BCKDHA: variants seen among roughly 807,000 people sequenced by gnomAD.
The protein encoded by BCKDHA is 2-oxoisovalerate dehydrogenase subunit alpha, mitochondrial.
A neutral mutation model predicts 52.2 loss-of-function variants in BCKDHA; 43 were observed. The observed-to-expected ratio is 0.82, with a 90% CI of 0.64 to 1.06. The LOEUF (loss-of-function observed/expected upper bound fraction) is 1.06. BCKDHA is among the 50% of genes least tolerant of loss of function. The pLI is 0.00. For synonymous variants in BCKDHA, 234 were observed against 247.9 expected (o/e 0.94, Z 0.53); for missense variants, 527 against 621.3 (o/e 0.85, Z 1.61).
At chr19:41,422,844 T>C in intron 7 of BCKDHA, 74 bp downstream of exon 7, 2 of 1,606,584 alleles carry the variant, frequency 1.2e-6, no homozygotes, top group Non-Finnish European at 1.7e-6. Context: ...TATCGATCAC[T>C]GTCTCCAAAA....
At chr19:41,404,268 C>T (rs1222966566) in intron 1 of BCKDHA, among the ~76,000 whole-genome samples, 1 of 151,926 alleles carries the variant, frequency 6.6e-6, no homozygotes, top group Non-Finnish European at 1.5e-5. Flanking sequence ...GCATAAGCCA[C>T]TGTGCCCGGC....
At chr19:41,402,161 C>T (rs1467870481) in intron 1 of BCKDHA, among the ~76,000 whole-genome samples, 1 of 152,092 alleles carries the variant, frequency 6.6e-6, no homozygotes, top group African/African-American at 2.4e-5. Context: ...GAGAACAGCA[C>T]GTGAAAGATC....
At chr19:41,399,782 T>G (rs1246820106) in intron 1 of BCKDHA, 1 of 151,076 alleles carries the variant, frequency 6.6e-6, no homozygotes, top group Non-Finnish European at 1.5e-5. Flanking sequence ...CTCTCTTTCC[T>G]TTTTCTTTTT....
Position 41,412,380 on chromosome 19 carries a change from C to CTTTTTTTTTTTTTTTTTTTTTTTTT in BCKDHA, c.375+1389_375+1390insTTTTTTTTTTTTTTTTTTTTTTTTT, listed in dbSNP as rs530972813. ...TCATTCCCTCTGTCTGTAGATATTT[C>CTTTTTTTTTTTTTTTTTTTTTTTTT]TTTTTTTTTTTTTTTTTTACTTTTG... On this transcript the variant is annotated intron_variant, in intron 3 of 8. Coordinates refer to ENST00000269980, the MANE Select transcript of BCKDHA (RefSeq NM_000709.4). Among the ~76,000 whole-genome samples, 44 of 65,860 alleles carry CTTTTTTTTTTTTTTTTTTTTTTTTT rather than the reference C, an allele frequency of 6.7e-4. 9 individuals carry two copies. Among genetic ancestry groups the CTTTTTTTTTTTTTTTTTTTTTTTTT allele is most frequent in the Non-Finnish European group, 8.3e-4 (27 of 32,584 alleles). The allele number at this position is 65,860 out of a possible 152,430, so 43.2% of individuals were successfully genotyped here.
intron 8 of BCKDHA, 135 bp downstream of exon 8, chr19:41,423,304 G>T: frequency 7.3e-7 from 1 of 1,369,024 alleles, no homozygotes. Context: ...TGTGGAGCCA[G>T]GCTGCTGGGG....
intron 1 of BCKDHA, among the ~76,000 whole-genome samples, chr19:41,404,611 T>C (rs1376398162): frequency 6.6e-6 from 1 of 151,454 alleles, no homozygotes; most frequent in Non-Finnish European, 1.5e-5. Flanking sequence ...TTAATTTATT[T>C]GAGATGGAGT....
chr19:41,406,180 C>T (rs2039190800), intron 1 of BCKDHA, among the ~76,000 whole-genome samples: 1 of 152,136 alleles, frequency 6.6e-6, no homozygotes, highest in Non-Finnish European at 1.5e-5. Context: ...ACAGCCGAGA[C>T]CCAGCTGCAG....
chr19:41,410,615 T>C, intron 1 of BCKDHA, 22 bp from the exon 2 acceptor site: 1 of 1,613,812 alleles, frequency 6.2e-7, no homozygotes, highest in East Asian at 2.2e-5. Flanking sequence ...ATGCAGGTGG[T>C]CTCCTCTGCT....
intron 4 of BCKDHA, among the ~76,000 whole-genome samples, chr19:41,416,125 G>T (rs1218737904): frequency 6.6e-6 from 1 of 152,034 alleles, no homozygotes; most frequent in Non-Finnish European, 1.5e-5. Flanking sequence ...TGTATTTTTA[G>T]TAGAGATGGG....
intron 4 of BCKDHA, among the ~76,000 whole-genome samples, chr19:41,417,877 A>G (rs2122130846): frequency 6.6e-6 from 1 of 151,784 alleles, no homozygotes; most frequent in South Asian, 2.1e-4. Flanking sequence ...GTGAGCCAAG[A>G]TTGCGCCATT....
intron 3 of BCKDHA, among the ~76,000 whole-genome samples, chr19:41,412,287 T>C (rs2039262221): frequency 6.6e-6 from 1 of 150,824 alleles, no homozygotes; most frequent in Non-Finnish European, 1.5e-5. Context: ...ATCCACCTGC[T>C]TGCCCACACC....
intron 3 of BCKDHA, among the ~76,000 whole-genome samples, chr19:41,412,044 T>G (rs373333191): frequency 2.6e-5 from 4 of 152,136 alleles, no homozygotes; most frequent in African/African-American, 9.7e-5. Flanking sequence ...TCCCTCAGGG[T>G]GCTGGCCAGG....
intron 4 of BCKDHA, among the ~76,000 whole-genome samples, chr19:41,417,131 C>T (rs2039314578): frequency 6.6e-6 from 1 of 152,088 alleles, no homozygotes; most frequent in Non-Finnish European, 1.5e-5. Context: ...CCCACCTCAG[C>T]CCCCTGAATA....
In BCKDHA at chr19:41,412,380, C is replaced by CTTTTTTTTTTTTTTTTTTTTTTTT. The variant is rs530972813; in HGVS notation, c.375+1389_375+1390insTTTTTTTTTTTTTTTTTTTTTTTT. On this transcript the variant is annotated intron_variant, in intron 3 of 8. Transcript: ENST00000269980. ...TCATTCCCTCTGTCTGTAGATATTT[C>CTTTTTTTTTTTTTTTTTTTTTTTT]TTTTTTTTTTTTTTTTTTACTTTTG... 4.3e-4 allele frequency among the ~76,000 whole-genome samples: 28 copies of CTTTTTTTTTTTTTTTTTTTTTTTT among 65,866 alleles called. 4 individuals are homozygous for CTTTTTTTTTTTTTTTTTTTTTTTT. Among genetic ancestry groups the CTTTTTTTTTTTTTTTTTTTTTTTT allele is most frequent in the South Asian group, 1.2e-3 (2 of 1,714 alleles). The allele number at this position is 65,866 out of a possible 152,430, so 43.2% of individuals were successfully genotyped here. A position where few individuals can be genotyped will look rare whatever the true frequency, so the allele number is the denominator to read the frequency against.
intron 1 of BCKDHA, chr19:41,400,470 T>C (rs12980966): frequency 0.65 from 99,020 of 151,378 alleles, 33,409 homozygotes; most frequent in African/African-American, 0.82. Context: ...GAACTCCTGA[T>C]CTAAGGTGAT....
chr19:41,401,668 T>C (rs934597296), intron 1 of BCKDHA, among the ~76,000 whole-genome samples: 1 of 152,150 alleles, frequency 6.6e-6, no homozygotes, highest in African/African-American at 2.4e-5. Context: ...AAACTCAGAT[T>C]GTCAAGGAAT....
chr19:41,422,180 C>G lies in BCKDHA; in HGVS notation c.663C>G (p.Tyr221Ter). ...TQIPQAVGAA[Y>*]AAKRANANRV... The stretch of plus-strand genomic sequence containing the variant: ...CCCCTGCAGCGGTGGGGGCGGCGTA[C>G]GCAGCCAAGCGGGCCAATGCCAACA... Residue 221 changes from tyrosine to a stop codon, truncating the protein, a stop_gained, in exon 6 of 9, where the codon TAC becomes TAG. Coordinates refer to ENST00000269980, the MANE Select transcript of BCKDHA (RefSeq NM_000709.4). LOFTEE classifies it high-confidence loss of function. 1 of 1,613,818 alleles carries G rather than the reference C, an allele frequency of 6.2e-7. No homozygotes were observed. Among genetic ancestry groups the G allele is most frequent in the Non-Finnish European group, 8.5e-7 (1 of 1,179,944 alleles).
chr19:41,410,282 C>T (rs2123253065), intron 1 of BCKDHA, among the ~76,000 whole-genome samples: 1 of 152,196 alleles, frequency 6.6e-6, no homozygotes, highest in Non-Finnish European at 1.5e-5. Flanking sequence ...CCTCGAATGC[C>T]AGGATGAAGA....
chr19:41,401,593 C>T (rs182869560), intron 1 of BCKDHA, among the ~76,000 whole-genome samples: 9 of 152,288 alleles, frequency 5.9e-5, no homozygotes, highest in Admixed American at 4.6e-4. Context: ...GCCTGATTTT[C>T]ACCTCCCTTC....
Sources: allele counts gnomAD v4.1 joint callset (sites outside exome capture counted in the v4.1 genomes callset), GRCh38; gene constraint gnomAD v4.1.1; transcripts MANE v1.5; gene names NCBI Gene and HGNC (gene_info 2026-07-23, HGNC 2026-07-21).